AVEN: variants seen among roughly 807,000 people sequenced by gnomAD.
AVEN encodes the protein cell death regulator Aven.
A neutral mutation model predicts 38.1 loss-of-function variants in AVEN; 41 were observed. The ratio of observed to expected loss-of-function variants is 1.08; its 90% CI spans 0.84 to 1.40. The LOEUF (loss-of-function observed/expected upper bound fraction) is 1.40, where lower values mean the gene tolerates loss of function less well. AVEN is among the 40% of genes most tolerant of loss of function. The pLI, the probability that AVEN is intolerant of heterozygous loss-of-function variation, is 0.00. For synonymous variants in AVEN, 206 were observed against 171.8 expected, an observed-to-expected ratio of 1.20 and a Z score of -1.56; for missense variants, 605 against 438.8, an observed-to-expected ratio of 1.38 and a Z score of -3.38.
chr15:33,941,075 A>G (rs558653728), intron 2 of AVEN, among the ~76,000 whole-genome samples: 1 of 152,336 alleles, frequency 6.6e-6, no homozygotes, highest in South Asian at 2.1e-4. Flanking sequence ...ATGAACATTC[A>G]AACATTAAAG....
chr15:33,861,340 G>A (rs935291178), downstream of AVEN, among the ~76,000 whole-genome samples: 1 of 152,162 alleles, frequency 6.6e-6, no homozygotes, highest in Non-Finnish European at 1.5e-5. Flanking sequence ...TCTCCCATGT[G>A]TGATAGACGT....
chr15:34,009,200 C>T (rs994447854), intron 1 of AVEN, among the ~76,000 whole-genome samples: 8 of 151,932 alleles, frequency 5.3e-5, no homozygotes, highest in African/African-American at 1.9e-4. Flanking sequence ...AAAGACATTC[C>T]CAGATAAACA....
At chr15:33,978,276 A>G (rs1404782414) in intron 2 of AVEN, among the ~76,000 whole-genome samples, 1 of 152,252 alleles carries the variant, frequency 6.6e-6, no homozygotes, top group East Asian at 1.9e-4. Context: ...ACTAGACTAC[A>G]GCAAACCCAC....
chr15:33,950,154 A>G (rs1313254937), intron 2 of AVEN, among the ~76,000 whole-genome samples: 1 of 152,224 alleles, frequency 6.6e-6, no homozygotes, highest in African/African-American at 2.4e-5. Flanking sequence ...TATGTGGACT[A>G]AGAGTCAAAT....
At chr15:33,854,326 C>G (rs2079418129), downstream of AVEN, 2 of 1,380,994 alleles carry the variant, frequency 1.4e-6, no homozygotes, top group South Asian at 2.6e-5. Context: ...CTTTTTCCCC[C>G]TTATTGAGCA....
intron 2 of AVEN, among the ~76,000 whole-genome samples, chr15:33,996,702 T>C (rs1393319677): frequency 3.3e-5 from 5 of 152,084 alleles, no homozygotes; most frequent in Non-Finnish European, 7.4e-5. Flanking sequence ...CATCTGTAGG[T>C]CACCAGCATC....
chr15:33,934,184 G>A (rs28552732), intron 2 of AVEN, among the ~76,000 whole-genome samples: 6,301 of 149,792 alleles, frequency 0.042, 296 homozygotes, highest in African/African-American at 0.12. Flanking sequence ...GACCAGCCTA[G>A]GCAACATAGC....
chr15:33,901,854 A>G (rs554634914), intron 2 of AVEN, among the ~76,000 whole-genome samples: 1 of 146,406 alleles, frequency 6.8e-6, no homozygotes, highest in South Asian at 2.3e-4. Flanking sequence ...CTTTTTAAAC[A>G]GATTGTTTTT....
At chr15:33,874,872 G>C (rs1174070104) in intron 3 of AVEN, among the ~76,000 whole-genome samples, 1 of 152,216 alleles carries the variant, frequency 6.6e-6, no homozygotes, top group Non-Finnish European at 1.5e-5. Flanking sequence ...AATGTAAATT[G>C]TTCGGCTTCT....
chr15:33,972,598 G>A (rs1227424565), intron 2 of AVEN: 2 of 152,144 alleles, frequency 1.3e-5, no homozygotes, highest in African/African-American at 4.8e-5. Context: ...TTCTCTGAAA[G>A]TCTTCAACAA....
chr15:33,879,519 T>C (rs1001097931), intron 2 of AVEN, among the ~76,000 whole-genome samples: 6 of 150,998 alleles, frequency 4.0e-5, no homozygotes, highest in African/African-American at 7.3e-5. Context: ...AACCTGCACA[T>C]TGTGCACATG....
At chr15:33,981,448 T>A (rs1428288950) in intron 2 of AVEN, among the ~76,000 whole-genome samples, 2 of 151,894 alleles carry the variant, frequency 1.3e-5, no homozygotes, top group African/African-American at 4.8e-5. Flanking sequence ...CATAACCAAG[T>A]TTTTTTAAGT....
intron 4 of AVEN, chr15:34,064,107 G>A (rs745879436): frequency 1.2e-5 from 20 of 1,614,188 alleles, no homozygotes; most frequent in Non-Finnish European, 1.7e-5. Flanking sequence ...CATGGTCCTG[G>A]TTTCTACCTT....
intron 2 of AVEN, among the ~76,000 whole-genome samples, chr15:33,908,014 G>C (rs540422808): frequency 5.7e-4 from 87 of 152,154 alleles, no homozygotes; most frequent in Middle Eastern, 6.8e-3. Context: ...AGAAATACTT[G>C]CAACACATCA....
At chr15:33,946,206 C>T (rs894626454) in intron 2 of AVEN, among the ~76,000 whole-genome samples, 1 of 152,124 alleles carries the variant, frequency 6.6e-6, no homozygotes, top group Non-Finnish European at 1.5e-5. Context: ...AAGCATAAAT[C>T]TGTAAGGACA....
chr15:33,995,875 G>A (rs1896911393), intron 2 of AVEN, among the ~76,000 whole-genome samples: 1 of 152,244 alleles, frequency 6.6e-6, no homozygotes, highest in Non-Finnish European at 1.5e-5. Flanking sequence ...AGCGGGGCGG[G>A]GCGCTGCCTC....
chr15:33,890,027 G>A (rs746801784), intron 2 of AVEN, among the ~76,000 whole-genome samples: 24 of 152,342 alleles, frequency 1.6e-4, no homozygotes, highest in South Asian at 2.1e-4. Flanking sequence ...GTGTCAAGGC[G>A]AGTTCCCTCT....
At chr15:33,882,406 T>C (rs906112745) in intron 2 of AVEN, among the ~76,000 whole-genome samples, 4 of 152,334 alleles carry the variant, frequency 2.6e-5, no homozygotes, top group South Asian at 4.1e-4. Flanking sequence ...AATGCTGAAG[T>C]TGGCACACAT....
At chr15:33,986,882 C>A (rs1432250533) in intron 2 of AVEN, among the ~76,000 whole-genome samples, 1 of 152,160 alleles carries the variant, frequency 6.6e-6, no homozygotes, top group East Asian at 1.9e-4. Flanking sequence ...TGGTCTCGAT[C>A]TCCTGACCTC....
Sources: gnomAD v4.1 joint callset for allele counts (sites outside exome capture counted in the v4.1 genomes callset) on GRCh38, gnomAD v4.1.1 for gene constraint, MANE v1.5 for transcripts, NCBI Gene and HGNC (gene_info 2026-07-23, HGNC 2026-07-21) for gene names.